The following SCFD2 variants were observed in gnomAD, a reference collection of about 807,000 sequenced individuals.
The protein encoded by SCFD2 is sec1 family domain-containing protein 2.
A neutral mutation model predicts 58.9 loss-of-function variants in SCFD2; 54 were observed. The ratio of observed to expected loss-of-function variants is 0.92; its 90% confidence interval spans 0.74 to 1.15. SCFD2 has a LOEUF of 1.15. SCFD2 is among the 50% of genes most tolerant of loss of function. SCFD2 has a pLI of 0.00. For synonymous variants in SCFD2, 321 were observed against 335.9 expected (o/e 0.96, Z 0.49); for missense variants, 805 against 836.6 (o/e 0.96, Z 0.47).
At chr4:53,290,041 C>T (rs1022587509) in intron 3 of SCFD2, among the ~76,000 whole-genome samples, 1 of 152,092 alleles carries the variant, frequency 6.6e-6, no homozygotes, top group Admixed American at 6.5e-5. Flanking sequence ...GAGTTCAATA[C>T]CCCCATTTGA....
At chr4:53,330,283 C>A (rs1733396348) in intron 2 of SCFD2, among the ~76,000 whole-genome samples, 1 of 151,814 alleles carries the variant, frequency 6.6e-6, no homozygotes, top group Non-Finnish European at 1.5e-5. Flanking sequence ...AACTCCAAGA[C>A]ACATAATTGT....
chr4:53,247,741 G>C (rs200508383), intron 4 of SCFD2, among the ~76,000 whole-genome samples: 4 of 148,682 alleles, frequency 2.7e-5, no homozygotes, highest in African/African-American at 7.4e-5. Flanking sequence ...GGCGCCTGTA[G>C]TCCCAGCTAC....
intron 6 of SCFD2, among the ~76,000 whole-genome samples, chr4:52,907,906 T>C (rs549478616): frequency 6.6e-6 from 1 of 152,344 alleles, no homozygotes; most frequent in African/African-American, 2.4e-5. Context: ...GACAATTTTA[T>C]GTATACTGAG....
At chr4:53,174,999 CA>C (rs1221017983) in intron 4 of SCFD2, among the ~76,000 whole-genome samples, 2 of 152,144 alleles carry the variant, frequency 1.3e-5, no homozygotes, top group Middle Eastern at 3.2e-3. Context: ...AAGTCTTACT[CA>C]GCTCTAATTT....
chr4:53,226,008 C>A (rs868567724), intron 4 of SCFD2, among the ~76,000 whole-genome samples: 1 of 152,022 alleles, frequency 6.6e-6, no homozygotes, highest in African/African-American at 2.4e-5. Flanking sequence ...CGCTGTATTG[C>A]CCAGATTGGT....
intron 5 of SCFD2, among the ~76,000 whole-genome samples, chr4:53,130,421 T>C (rs7378381): frequency 0.45 from 68,239 of 152,040 alleles, 15,585 homozygotes; most frequent in South Asian, 0.53. Context: ...ATAAACCTGG[T>C]TCTTTAATGA....
At chr4:53,219,460 G>A (rs1442294511) in intron 4 of SCFD2, among the ~76,000 whole-genome samples, 1 of 152,234 alleles carries the variant, frequency 6.6e-6, no homozygotes, top group Non-Finnish European at 1.5e-5. Flanking sequence ...ATTTCCTGGT[G>A]TGCCGTTTGC....
intron 5 of SCFD2, among the ~76,000 whole-genome samples, chr4:52,993,368 A>G (rs1721666772): frequency 1.3e-5 from 2 of 152,096 alleles, no homozygotes; most frequent in African/African-American, 2.4e-5. Context: ...CCCCTCTCGG[A>G]GAAACACCCA....
At chr4:53,215,631 C>G (rs1728797967) in intron 4 of SCFD2, among the ~76,000 whole-genome samples, 1 of 152,042 alleles carries the variant, frequency 6.6e-6, no homozygotes, top group South Asian at 2.1e-4. Context: ...ACTGAATGCC[C>G]TTTATTTCCT....
At chr4:52,882,671 C>A (rs748098122) in intron 8 of SCFD2, among the ~76,000 whole-genome samples, 3 of 152,190 alleles carry the variant, frequency 2.0e-5, no homozygotes, top group South Asian at 2.1e-4. Flanking sequence ...ATGCTTCCTG[C>A]CCTTGAACAT....
chr4:53,108,388 T>C (rs530574807), intron 5 of SCFD2, among the ~76,000 whole-genome samples: 1 of 151,702 alleles, frequency 6.6e-6, no homozygotes, highest in South Asian at 2.1e-4. Context: ...GAAGGAGATA[T>C]AGAGACACGA....
intron 5 of SCFD2, among the ~76,000 whole-genome samples, chr4:53,038,337 C>G (rs1722813958): frequency 6.6e-6 from 1 of 152,140 alleles, no homozygotes; most frequent in Non-Finnish European, 1.5e-5. Flanking sequence ...TTCCATGAAG[C>G]AGGAAATCTG....
At chr4:53,329,374 C>G (rs1046896904) in intron 2 of SCFD2, among the ~76,000 whole-genome samples, 3 of 152,100 alleles carry the variant, frequency 2.0e-5, no homozygotes, top group African/African-American at 7.2e-5. Context: ...AGCAGTGGTT[C>G]TCCCAGCACG....
chr4:52,971,363 G>A (rs1311624739), intron 5 of SCFD2, among the ~76,000 whole-genome samples: 1 of 152,210 alleles, frequency 6.6e-6, no homozygotes, highest in African/African-American at 2.4e-5. Context: ...AGAACTACAT[G>A]ACGAATGCAC....
chr4:53,036,916 A>T (rs989444625), intron 5 of SCFD2, among the ~76,000 whole-genome samples: 1 of 152,160 alleles, frequency 6.6e-6, no homozygotes, highest in Admixed American at 6.5e-5. Context: ...ATAAGAAAAG[A>T]AAACAGCTCA....
chr4:53,354,574 C>G (rs1448445861), intron 1 of SCFD2, among the ~76,000 whole-genome samples: 1 of 152,182 alleles, frequency 6.6e-6, no homozygotes, highest in African/African-American at 2.4e-5. Flanking sequence ...AGAGCAGACA[C>G]CGAGGCCGAG....
intron 5 of SCFD2, among the ~76,000 whole-genome samples, chr4:53,074,367 C>G (rs1391657775): frequency 6.6e-6 from 1 of 152,148 alleles, no homozygotes; most frequent in African/African-American, 2.4e-5. Context: ...TTGAACCCTT[C>G]AAAGTTATCG....
At chr4:53,163,707 G>T (rs1726921715) in intron 4 of SCFD2, among the ~76,000 whole-genome samples, 1 of 152,116 alleles carries the variant, frequency 6.6e-6, no homozygotes, top group African/African-American at 2.4e-5. Flanking sequence ...TCCAGCCTGG[G>T]TAACAGAGAA....
intron 2 of SCFD2, among the ~76,000 whole-genome samples, chr4:53,327,220 A>C (rs1733230860): frequency 6.6e-6 from 1 of 151,946 alleles, no homozygotes; most frequent in East Asian, 1.9e-4. Context: ...AAGCAGGAAG[A>C]GGAAGATGTC....
Sources: gnomAD v4.1 joint callset for allele counts (sites outside exome capture counted in the v4.1 genomes callset) on GRCh38, gnomAD v4.1.1 for gene constraint, MANE v1.5 for transcripts, NCBI Gene and HGNC (gene_info 2026-07-23, HGNC 2026-07-21) for gene names.